CADPS2: variants seen among roughly 807,000 people sequenced by gnomAD.
CADPS2 encodes calcium dependent secretion activator 2, also known as calcium-dependent secretion activator 2.
A neutral mutation model predicts 172.5 loss-of-function variants in CADPS2; 93 were observed. That is an observed-to-expected ratio of 0.54 (90% confidence interval 0.46 to 0.64). The LOEUF (loss-of-function observed/expected upper bound fraction) is 0.64, where lower values mean the gene tolerates loss of function less well. Among genes scored for constraint, CADPS2 ranks in the 30% least tolerant of loss-of-function variants. The pLI, the probability that CADPS2 is intolerant of heterozygous loss-of-function variation, is 0.00. For synonymous variants in CADPS2, 546 were observed against 555.2 expected, an observed-to-expected ratio of 0.98 and a Z score of 0.23; for missense variants, 1,420 against 1,565.9, an observed-to-expected ratio of 0.91 and a Z score of 1.57.
At chr7:122,366,329 G>A (rs374765268) in intron 25 of CADPS2, among the ~76,000 whole-genome samples, 2 of 151,482 alleles carry the variant, frequency 1.3e-5, no homozygotes, top group East Asian at 3.9e-4. Context: ...AGGCGGCCAG[G>A]TGTGGTGGCT....
intron 28 of CADPS2, among the ~76,000 whole-genome samples, chr7:122,327,560 G>A (rs1585031751): frequency 6.6e-6 from 1 of 151,926 alleles, no homozygotes; most frequent in Admixed American, 6.6e-5. Context: ...TGAGGGAAAT[G>A]AAAAAACTTT....
intron 1 of CADPS2, among the ~76,000 whole-genome samples, chr7:122,841,356 A>C (rs1022486897): frequency 2.6e-5 from 4 of 152,178 alleles, no homozygotes; most frequent in Admixed American, 6.5e-5. Context: ...AAAAAGTAGG[A>C]GCCCCAGAAA....
chr7:122,661,598 CAT>C (rs916902794), intron 3 of CADPS2, among the ~76,000 whole-genome samples: 59 of 152,216 alleles, frequency 3.9e-4, no homozygotes, highest in African/African-American at 1.4e-3. Flanking sequence ...TTAACTGAGA[CAT>C]ATAAAGAGCT....
chr7:122,855,814 A>G (rs1349317999), intron 1 of CADPS2, among the ~76,000 whole-genome samples: 1 of 152,180 alleles, frequency 6.6e-6, no homozygotes, highest in Non-Finnish European at 1.5e-5. Context: ...GTCAAAATTA[A>G]ATTTATTATC....
At chr7:122,585,756 AC>A (rs1316993251) in intron 6 of CADPS2, 1 of 151,980 alleles carries the variant, frequency 6.6e-6, no homozygotes, top group Non-Finnish European at 1.5e-5. Flanking sequence ...TCTACAAAGC[AC>A]CTTTACGAGA....
chr7:122,407,567 G>A lies in CADPS2; in HGVS notation c.2719C>T (p.Leu907=). ...DSWDSFPLFQ[L]LNNFLRNDTL... ...TCATTTCGGAGGAAATTATTAAGCAGTTGGAAAAGAGGAAAACTATCCCAG... is the reference window on the plus strand; with the variant it reads ...TCATTTCGGAGGAAATTATTAAGCAATTGGAAAAGAGGAAAACTATCCCAG... Residue 907 remains leucine, a synonymous_variant, in exon 20 of 30, where the codon CTG becomes TTG. Coordinates refer to ENST00000449022, the MANE Select transcript of CADPS2 (RefSeq NM_017954.11). 1.2e-6 allele frequency: 2 copies of A among 1,612,230 alleles called. No individual in the cohort carries two copies. The highest frequency in any genetic ancestry group is 1.7e-6 in the Non-Finnish European group (2 of 1,179,170).
chr7:122,697,890 T>TG (rs1448894544), intron 2 of CADPS2: 14 of 1,613,674 alleles, frequency 8.7e-6, no homozygotes, highest in Non-Finnish European at 1.1e-5. Flanking sequence ...CTGAGGTTCC[T>TG]GCAGGAGAAA....
intron 2 of CADPS2, chr7:122,698,499 G>C: frequency 6.2e-7 from 1 of 1,613,874 alleles, no homozygotes; most frequent in Non-Finnish European, 8.5e-7. Context: ...GAAACATGGG[G>C]AACACCTGGT....
chr7:122,343,962 C>T (rs2037175961), intron 28 of CADPS2, among the ~76,000 whole-genome samples: 1 of 152,160 alleles, frequency 6.6e-6, no homozygotes, highest in Admixed American at 6.6e-5. Context: ...TTTAGAAAAT[C>T]ATTTTTTTCA....
intron 26 of CADPS2, 50 bp from the exon 27 acceptor site, chr7:122,360,870 C>A (rs1192627753): frequency 6.3e-7 from 1 of 1,593,428 alleles, no homozygotes. Context: ...TTTTAACTGC[C>A]ATATAAGTAC....
chr7:122,361,253 A>G (rs2040102319), intron 25 of CADPS2, among the ~76,000 whole-genome samples: 1 of 118,712 alleles, frequency 8.4e-6, no homozygotes, highest in Non-Finnish European at 1.7e-5. Flanking sequence ...TTTTAAAATG[A>G]GATGGAGGCT....
In CADPS2 at chr7:122,655,922, C is replaced by G. The variant is rs965420736; in HGVS notation, c.786+7315G>C. 3.9e-5 allele frequency among the ~76,000 whole-genome samples: 6 copies of G among 152,102 alleles called. No individual in the cohort carries two copies. The South Asian group carries it at 1.2e-3, about 32-fold the overall frequency. On this transcript the variant is annotated intron_variant, in intron 3 of 29. Coordinates refer to ENST00000449022, the MANE Select transcript of CADPS2 (RefSeq NM_017954.11). ...GACATATAAAGAGCTTGGAAGTCATCACTCCCATCCTCAGAATAAAAAGTT... is the reference window on the plus strand; with the variant it reads ...GACATATAAAGAGCTTGGAAGTCATGACTCCCATCCTCAGAATAAAAAGTT...
At chr7:122,497,092 A>G (rs767891752) in intron 9 of CADPS2, among the ~76,000 whole-genome samples, 8 of 152,030 alleles carry the variant, frequency 5.3e-5, no homozygotes, top group Non-Finnish European at 1.2e-4. Flanking sequence ...AAAATCTGAT[A>G]CTGCTTTTTG....
chr7:122,349,748 G>C (rs986702160), intron 27 of CADPS2, among the ~76,000 whole-genome samples: 6 of 152,052 alleles, frequency 3.9e-5, no homozygotes, highest in Non-Finnish European at 4.4e-5. Context: ...TGAACACGCT[G>C]TTTAAAGAGA....
In CADPS2 at chr7:122,667,051, A is replaced by G. The variant is rs140635741; in HGVS notation, c.454-3482T>C. On this transcript the variant is annotated intron_variant, in intron 2 of 29. Transcript: ENST00000449022. The stretch of plus-strand genomic sequence containing the variant: ...ATATTCTTTAGAGTTTTCTTTACCC[A>G]TACTAACCAATTTGTTATTGTTTAT... Among the ~76,000 whole-genome samples the G allele has an allele frequency of 3.1e-3, 478 of 152,270 alleles. 4 individuals are homozygous for G. The highest frequency in any genetic ancestry group is 0.011 in the African/African-American group (452 of 41,558).
intron 11 of CADPS2, among the ~76,000 whole-genome samples, chr7:122,488,510 G>A (rs915266329): frequency 5.9e-5 from 9 of 152,214 alleles, no homozygotes. Context: ...TTGATCCAAG[G>A]AGGACACAGA....
intron 2 of CADPS2, chr7:122,699,096 G>A: frequency 1.8e-6 from 1 of 561,556 alleles, no homozygotes; most frequent in East Asian, 3.0e-5. Context: ...TCTTACTAGA[G>A]AGAGGTGAAA....
chr7:122,627,491 T>C (rs2076191984), intron 4 of CADPS2, among the ~76,000 whole-genome samples: 1 of 152,196 alleles, frequency 6.6e-6, no homozygotes, highest in African/African-American at 2.4e-5. Context: ...ACATCTCTGA[T>C]GAAACCATTA....
chr7:122,769,764 A>G (rs2139030199), intron 1 of CADPS2, among the ~76,000 whole-genome samples: 1 of 152,204 alleles, frequency 6.6e-6, no homozygotes, highest in Non-Finnish European at 1.5e-5. Flanking sequence ...AGACAGACAC[A>G]GGTTTGAACC....
Sources: allele counts gnomAD v4.1 joint callset (sites outside exome capture counted in the v4.1 genomes callset), GRCh38; gene constraint gnomAD v4.1.1; transcripts MANE v1.5; gene names NCBI Gene and HGNC (gene_info 2026-07-23, HGNC 2026-07-21).